Variants in STK32A observed in about 807,000 individuals in gnomAD.
STK32A encodes the protein serine/threonine kinase 32A.
STK32A carries 41 observed loss-of-function variants against 53.2 expected under a neutral mutation model. The observed-to-expected ratio is 0.77, with a 90% CI of 0.60 to 1.00. The LOEUF is 1.00. Ranked by LOEUF, STK32A falls within the 50% of genes least tolerant of loss-of-function variation. The probability of loss-of-function intolerance (pLI) is 0.00; values close to 1 mark genes in which losing one functional copy is unlikely to be tolerated. For synonymous variants in STK32A, 166 were observed against 162.8 expected (o/e 1.02, Z -0.15); for missense variants, 458 against 485.8 (o/e 0.94, Z 0.54).
At chr5:147,282,664 C>G (rs1006766552) in intron 4 of STK32A, among the ~76,000 whole-genome samples, 1 of 152,054 alleles carries the variant, frequency 6.6e-6, no homozygotes, top group South Asian at 2.1e-4. Context: ...ACAAAACAAA[C>G]TTTAAAGTAA....
chr5:147,356,517 C>T (rs998408786), intron 7 of STK32A, among the ~76,000 whole-genome samples: 5 of 152,070 alleles, frequency 3.3e-5, no homozygotes, highest in African/African-American at 9.7e-5. Flanking sequence ...GGGTCTGATG[C>T]CAGAGCCCTA....
In STK32A at chr5:147,361,502, T is replaced by C. The variant is rs1756500642; in HGVS notation, c.563-15T>C. 6.3e-7 allele frequency: 1 copy of C among 1,589,332 alleles called. No homozygotes were observed. The highest frequency in any genetic ancestry group is 8.6e-7 in the Non-Finnish European group (1 of 1,160,936). ...CTCAGGGAATCAAACTGGTTTAATT[T>C]TTCGTGTTTTTCAGCACCTGAGATG... On this transcript the variant is annotated splice_polypyrimidine_tract_variant and intron_variant, in intron 7 of 12. Coordinates refer to ENST00000397936, the MANE Select transcript of STK32A (RefSeq NM_001112724.2).
chr5:147,287,453 T>G (rs1356020693), intron 4 of STK32A, among the ~76,000 whole-genome samples: 4 of 152,192 alleles, frequency 2.6e-5, no homozygotes, highest in Admixed American at 1.3e-4. Context: ...AGGGACATCC[T>G]TCTGGAGAAA....
At chr5:147,364,702 G>A (rs1385554315) in intron 8 of STK32A, among the ~76,000 whole-genome samples, 4 of 152,030 alleles carry the variant, frequency 2.6e-5, no homozygotes, top group Admixed American at 6.6e-5. Context: ...CTCACATGAC[G>A]GAGAGAGAGA....
Position 147,383,440 on chromosome 5 carries a change from G to A in STK32A, c.1033-1G>A. Reference sequence around the variant, plus strand: ...ATTTTTTTTCTACGTTCACCTGGAAGACATGTCTTCTTCAAGAGCACCTTG... The same window carrying A: ...ATTTTTTTTCTACGTTCACCTGGAAAACATGTCTTCTTCAAGAGCACCTTG... On this transcript the variant is annotated splice_acceptor_variant, in intron 11 of 12. Transcript: ENST00000397936. LOFTEE classifies it high-confidence loss of function. 1 of 1,594,572 alleles carries A rather than the reference G, an allele frequency of 6.3e-7. No individual in the cohort carries two copies. Among genetic ancestry groups the A allele is most frequent in the Non-Finnish European group, 8.5e-7 (1 of 1,169,926 alleles).
intron 8 of STK32A, among the ~76,000 whole-genome samples, chr5:147,369,336 C>T (rs1413208191): frequency 6.6e-6 from 1 of 152,084 alleles, no homozygotes; most frequent in African/African-American, 2.4e-5. Flanking sequence ...CTTTTCTTCC[C>T]ATCACTTTTC....
chr5:147,395,853 G>T, the STK32A span: 1 of 1,121,028 alleles, frequency 8.9e-7, no homozygotes, highest in Non-Finnish European at 1.3e-6. Flanking sequence ...GATAATTTGA[G>T]GAAGGGAGAA....
chr5:147,374,831 T>C (rs1321370490), intron 10 of STK32A, among the ~76,000 whole-genome samples: 1 of 152,172 alleles, frequency 6.6e-6, no homozygotes, highest in African/African-American at 2.4e-5. Flanking sequence ...AACCCAAAAT[T>C]TATTTTCCAC....
chr5:147,355,140 A>G (rs1358707838), intron 7 of STK32A, among the ~76,000 whole-genome samples: 1 of 152,244 alleles, frequency 6.6e-6, no homozygotes, highest in African/African-American at 2.4e-5. Flanking sequence ...ATACTGAATG[A>G]AGATTGGAGA....
intron 6 of STK32A, among the ~76,000 whole-genome samples, chr5:147,344,553 G>A (rs953328943): frequency 3.9e-5 from 6 of 152,280 alleles, no homozygotes; most frequent in African/African-American, 9.6e-5. Context: ...CAGGAGGATC[G>A]CTTGAGCCCA....
intron 5 of STK32A, among the ~76,000 whole-genome samples, chr5:147,335,063 G>T (rs1755051421): frequency 6.6e-6 from 1 of 152,156 alleles, no homozygotes; most frequent in Non-Finnish European, 1.5e-5. Context: ...AAAAGTATGT[G>T]AATGCAGTCC....
the STK32A span, chr5:147,393,693 C>T: frequency 6.9e-5 from 15 of 218,626 alleles, no homozygotes; most frequent in Non-Finnish European, 1.0e-4. Flanking sequence ...ATTTCCCTGA[C>T]GTCCCAGCTT....
chr5:147,324,981 T>G (rs947483302), intron 5 of STK32A, among the ~76,000 whole-genome samples: 1 of 152,160 alleles, frequency 6.6e-6, no homozygotes, highest in African/African-American at 2.4e-5. Flanking sequence ...ATATTCCCAT[T>G]ACACAGATAA....
chr5:147,328,543 G>C (rs1754712368), intron 5 of STK32A, among the ~76,000 whole-genome samples: 1 of 152,164 alleles, frequency 6.6e-6, no homozygotes, highest in Admixed American at 6.6e-5. Flanking sequence ...TATTAGTCAA[G>C]AAGTCAAACT....
At chr5:147,379,417 TC>T (rs1449333262) in intron 11 of STK32A, among the ~76,000 whole-genome samples, 1 of 152,102 alleles carries the variant, frequency 6.6e-6, no homozygotes, top group Non-Finnish European at 1.5e-5. Flanking sequence ...TGTCTCAGTT[TC>T]CTCATTTATA....
chr5:147,261,510 CAGACTGACTT>C (rs1754569551), intron 2 of STK32A, among the ~76,000 whole-genome samples: 1 of 152,094 alleles, frequency 6.6e-6, no homozygotes, highest in South Asian at 2.1e-4. Context: ...AGCAGGTAAT[CAGACTGACTT>C]AGAGTGGAGT....
intron 8 of STK32A, among the ~76,000 whole-genome samples, chr5:147,366,233 C>G (rs1756736321): frequency 6.6e-6 from 1 of 152,196 alleles, no homozygotes; most frequent in Admixed American, 6.5e-5. Context: ...TTCCTCTTCT[C>G]AAAGCATCTC....
intron 5 of STK32A, among the ~76,000 whole-genome samples, chr5:147,327,340 T>A (rs2151979699): frequency 6.6e-6 from 1 of 152,286 alleles, no homozygotes; most frequent in South Asian, 2.1e-4. Context: ...AAAACACCTT[T>A]TAGTTACTTA....
At position 147,354,883 on chromosome 5, in the gene STK32A, C is replaced by T. The variant is rs569477349; in HGVS notation, c.562+3729C>T. On this transcript the variant is annotated intron_variant, in intron 7 of 12. Transcript: ENST00000397936. The stretch of plus-strand genomic sequence containing the variant: ...GTCAACTTAGTTAGGCTAACATATT[C>T]GAAATGTTTCTTGCCTTATTCCAAA... 3.9e-4 allele frequency among the ~76,000 whole-genome samples: 60 copies of T among 152,284 alleles called. 1 individual carries two copies. Among genetic ancestry groups the T allele is most frequent in the African/African-American group, 1.3e-3 (56 of 41,562 alleles).
Sources: allele counts gnomAD v4.1 joint callset (sites outside exome capture counted in the v4.1 genomes callset), GRCh38; gene constraint gnomAD v4.1.1; transcripts MANE v1.5; gene names NCBI Gene and HGNC (gene_info 2026-07-23, HGNC 2026-07-21).